The following NCOR1 variants were observed in gnomAD, a reference collection of about 807,000 sequenced individuals.
NCOR1 encodes protein phosphatase 1, regulatory subunit 109.
In NCOR1, 63 loss-of-function variants were observed where a neutral mutation model predicts 288.1. That is an observed-to-expected ratio of 0.22 (90% CI 0.18 to 0.27). The LOEUF (loss-of-function observed/expected upper bound fraction) is 0.27. Among genes scored for constraint, NCOR1 ranks in the 10% least tolerant of loss-of-function variants. The pLI is 1.00. For missense variants in NCOR1, 2,397 were observed against 3,019.2 expected (o/e 0.79, Z 4.83); for synonymous variants, 1,007 against 1,065.9 (o/e 0.94, Z 1.08).
intron 22 of NCOR1, among the ~76,000 whole-genome samples, chr17:16,089,895 C>T (rs2064900890): frequency 6.6e-6 from 1 of 152,060 alleles, no homozygotes; most frequent in African/African-American, 2.4e-5. Flanking sequence ...TTAGCTAAAA[C>T]AAAACAACCT....
chr17:16,125,530 A>G (rs1369062032), intron 15 of NCOR1, among the ~76,000 whole-genome samples: 5 of 151,780 alleles, frequency 3.3e-5, no homozygotes, highest in Admixed American at 3.3e-4. Context: ...GTGAAACCCC[A>G]TCTCTACTAA....
chr17:16,118,663 C>CA (rs370109773), intron 17 of NCOR1, among the ~76,000 whole-genome samples: 4 of 151,902 alleles, frequency 2.6e-5, no homozygotes, highest in Non-Finnish European at 5.9e-5. Flanking sequence ...AGGGGTGATA[C>CA]AAAAAAATAT....
chr17:16,133,471 T>C (rs190161143), intron 14 of NCOR1, among the ~76,000 whole-genome samples: 26 of 152,340 alleles, frequency 1.7e-4, no homozygotes, highest in Middle Eastern at 3.4e-3. Context: ...CTTGGTTACA[T>C]AGCAGAGAAG....
Position 16,030,462 on chromosome 17 carries a change from A to AT in NCOR1, c.*1833dup, listed in dbSNP as rs1262930989. On this transcript the variant is annotated 3_prime_UTR_variant, in exon 46 of 46. Transcript: ENST00000268712. ...TTATGGTAGGTTGGCAATATAAATT[A>AT]TTAACAAACTCTAAAATATTACCAG... The AT allele has an allele frequency of 4.8e-6, 1 of 206,716 alleles. No individual in the cohort carries two copies. The highest frequency in any genetic ancestry group is 9.9e-6 in the Non-Finnish European group (1 of 101,322). 12.8% of individuals were successfully genotyped at this position (206,716 alleles called of 1,614,324 possible).
chr17:16,079,012 A>G (rs2062965782), intron 26 of NCOR1, among the ~76,000 whole-genome samples: 1 of 152,358 alleles, frequency 6.6e-6, no homozygotes, highest in African/African-American at 2.4e-5. Flanking sequence ...TTTAATTCAC[A>G]TGATCTAGAG....
intron 1 of NCOR1, among the ~76,000 whole-genome samples, chr17:16,211,091 G>A (rs145862690): frequency 2.6e-5 from 4 of 152,062 alleles, no homozygotes; most frequent in African/African-American, 4.8e-5. Flanking sequence ...GTAACACAGT[G>A]AACACTATAA....
At chr17:16,214,050 A>G (rs531619887) in intron 1 of NCOR1, among the ~76,000 whole-genome samples, 11 of 152,226 alleles carry the variant, frequency 7.2e-5, no homozygotes, top group African/African-American at 2.6e-4. Context: ...ATAAACTTCC[A>G]CCGGATGTTA....
At chr17:16,209,121 C>G (rs1014843651) in intron 1 of NCOR1, among the ~76,000 whole-genome samples, 3 of 151,834 alleles carry the variant, frequency 2.0e-5, no homozygotes, top group Non-Finnish European at 2.9e-5. Context: ...GGTCTAGAGG[C>G]AAAGGATCAA....
intron 25 of NCOR1, 118 bp from the exon 26 acceptor site, chr17:16,080,182 A>C: frequency 1.1e-6 from 1 of 871,190 alleles, no homozygotes; most frequent in Non-Finnish European, 1.8e-6. Flanking sequence ...AGCAGCACAA[A>C]ACCCATCATG....
At chr17:16,104,005 C>T (rs1334415580) in intron 19 of NCOR1, among the ~76,000 whole-genome samples, 1 of 151,922 alleles carries the variant, frequency 6.6e-6, no homozygotes, top group Non-Finnish European at 1.5e-5. Context: ...TGTACCCCCA[C>T]CCCCCCAAAA....
At chr17:16,205,466 T>C (rs1469222959) in intron 1 of NCOR1, among the ~76,000 whole-genome samples, 2 of 147,928 alleles carry the variant, frequency 1.4e-5, no homozygotes, top group Non-Finnish European at 3.0e-5. Context: ...CTACTAAATA[T>C]ATAAATTAGC....
At position 16,036,363 on chromosome 17, in the gene NCOR1, G is replaced by A. The variant is rs556889330; in HGVS notation, c.6956-1419C>T. 1.6e-4 allele frequency among the ~76,000 whole-genome samples: 25 copies of A among 152,302 alleles called. 1 individual carries two copies. The South Asian group carries it at 4.8e-3, about 29-fold the overall frequency. ...TTTGTTCCATTTCTAGAGCACAGGC[G>A]AGTAGACCAAGCATAATTCTTAAGT... On this transcript the variant is annotated intron_variant, in intron 44 of 45. Transcript: ENST00000268712.
intron 1 of NCOR1, 80 bp from the exon 2 acceptor site, chr17:16,194,719 CA>C (rs1568608065): frequency 2.2e-6 from 1 of 455,434 alleles, no homozygotes; most frequent in Non-Finnish European, 3.9e-6. Context: ...ACTATAGCTA[CA>C]TAAATAAAAC....
At chr17:16,052,745 T>C (rs77400779) in intron 40 of NCOR1, among the ~76,000 whole-genome samples, 2,226 of 152,306 alleles carry the variant, frequency 0.015, 63 homozygotes, top group African/African-American at 0.052. Flanking sequence ...TATCTCATTC[T>C]ATGAGGCCAG....
At chr17:16,043,125 G>C (rs190173195) in intron 42 of NCOR1, among the ~76,000 whole-genome samples, 1 of 152,188 alleles carries the variant, frequency 6.6e-6, no homozygotes, top group Non-Finnish European at 1.5e-5. Context: ...AGAGAGGAAA[G>C]CATTTCAGGA....
chr17:16,130,382 C>G (rs2075399579), intron 14 of NCOR1, among the ~76,000 whole-genome samples: 1 of 152,194 alleles, frequency 6.6e-6, no homozygotes, highest in African/African-American at 2.4e-5. Context: ...TCCCTCAACT[C>G]CACAGGGTGG....
chr17:16,209,020 T>A (rs892075489), intron 1 of NCOR1, among the ~76,000 whole-genome samples: 1 of 152,154 alleles, frequency 6.6e-6, no homozygotes, highest in Non-Finnish European at 1.5e-5. Context: ...CTCATTTTTA[T>A]GAGCTAGGCA....
intron 3 of NCOR1, among the ~76,000 whole-genome samples, chr17:16,178,908 C>G (rs552064197): frequency 7.2e-4 from 110 of 152,152 alleles, no homozygotes; most frequent in African/African-American, 2.5e-3. Flanking sequence ...AGTTTGAGAC[C>G]AGGTTGGCCA....
intron 27 of NCOR1, among the ~76,000 whole-genome samples, 160 bp from the exon 28 acceptor site, chr17:16,073,729 C>T (rs9896441): frequency 0.53 from 80,825 of 151,958 alleles, 21,853 homozygotes; most frequent in Middle Eastern, 0.62. Context: ...AATATTTTCA[C>T]TCATTCAAAT....
Sources: allele counts gnomAD v4.1 joint callset (sites outside exome capture counted in the v4.1 genomes callset), GRCh38; gene constraint gnomAD v4.1.1; transcripts MANE v1.5; gene names NCBI Gene and HGNC (gene_info 2026-07-23, HGNC 2026-07-21).